NOS1: variants seen among roughly 807,000 people sequenced by gnomAD.
NOS1 encodes nitric oxide synthase 1.
A neutral mutation model predicts 164.5 loss-of-function variants in NOS1; 51 were observed. That is an observed-to-expected ratio of 0.31 (90% CI 0.25 to 0.39). NOS1 has a LOEUF of 0.39. NOS1 is among the 10% of genes least tolerant of loss of function. The pLI is 1.00. For synonymous variants in NOS1, 719 were observed against 745.8 expected, an observed-to-expected ratio of 0.96 and a Z score of 0.59; for missense variants, 1,362 against 1,885.6, an observed-to-expected ratio of 0.72 and a Z score of 5.14.
At chr12:117,269,701 C>G (rs1872666485) in intron 10 of NOS1, among the ~76,000 whole-genome samples, 1 of 151,944 alleles carries the variant, frequency 6.6e-6, no homozygotes, top group Non-Finnish European at 1.5e-5. Context: ...CTCTTGACCT[C>G]GTGATCCACC....
chr12:117,287,723 G>C (rs1171675721), intron 5 of NOS1, among the ~76,000 whole-genome samples: 1 of 152,226 alleles, frequency 6.6e-6, no homozygotes, highest in African/African-American at 2.4e-5. Context: ...ACAGGCGTGA[G>C]CCACTGCACC....
intron 2 of NOS1, among the ~76,000 whole-genome samples, chr12:117,322,433 A>C (rs1383518627): frequency 0.013 from 584 of 46,000 alleles, no homozygotes; most frequent in Middle Eastern, 0.036. Flanking sequence ...CCCTTTCCTC[A>C]CTCCTGCTTT....
intron 1 of NOS1, among the ~76,000 whole-genome samples, chr12:117,342,436 C>T (rs1876157757): frequency 6.6e-6 from 1 of 151,908 alleles, no homozygotes; most frequent in Non-Finnish European, 1.5e-5. Context: ...GGGAAGGCTT[C>T]CTGGAGGAAG....
At chr12:117,323,929 G>A (rs1488923416) in intron 2 of NOS1, among the ~76,000 whole-genome samples, 3 of 151,712 alleles carry the variant, frequency 2.0e-5, no homozygotes, top group Admixed American at 1.3e-4. Context: ...CTACAGGCAC[G>A]CACCACCACG....
intron 17 of NOS1, among the ~76,000 whole-genome samples, chr12:117,249,954 G>C (rs967685904): frequency 5.9e-5 from 9 of 152,186 alleles, no homozygotes; most frequent in African/African-American, 2.2e-4. Flanking sequence ...TTTAAGGTCA[G>C]AGTGTTCTGC....
In NOS1 at chr12:117,208,544, T is replaced by C. The variant is rs1202111448; in HGVS notation, c.*6765A>G. The C allele has an allele frequency of 8.2e-7, 1 of 1,213,896 alleles. No individual in the cohort carries two copies. The highest frequency in any genetic ancestry group is 1.1e-6 in the Non-Finnish European group (1 of 949,458). 75.2% of individuals were successfully genotyped at this position (1,213,896 alleles called of 1,614,324 possible). The stretch of plus-strand genomic sequence containing the variant: ...GAAAACCACTGCTGAGCCAGGAGTG[T>C]GAGTCTTAACAATCACAACGAGAAC... On this transcript the variant is annotated 3_prime_UTR_variant, in exon 29 of 29. Transcript: ENST00000317775.
chr12:117,259,016 C>T lies in NOS1; in HGVS notation c.2472+10G>A, dbSNP rs1871679982. Reference sequence around the variant, plus strand: ...AACCACACTCTTGAACAGGTAAAAGCTCATCTCACCTCCCCATTCTCAGGG... The same window carrying T: ...AACCACACTCTTGAACAGGTAAAAGTTCATCTCACCTCCCCATTCTCAGGG... On this transcript the variant is annotated intron_variant, in intron 15 of 28. Coordinates refer to ENST00000317775, the MANE Select transcript of NOS1 (RefSeq NM_000620.5). 6.3e-7 allele frequency: 1 copy of T among 1,598,684 alleles called. No individual in the cohort carries two copies. The highest frequency in any genetic ancestry group is 2.2e-5 in the East Asian group (1 of 44,810).
chr12:117,307,397 G>C (rs2136050792), intron 3 of NOS1, among the ~76,000 whole-genome samples: 1 of 152,244 alleles, frequency 6.6e-6, no homozygotes, highest in African/African-American at 2.4e-5. Context: ...TTCTTGCTCT[G>C]TCACCCAGGC....
chr12:117,290,549 C>T lies in NOS1; in HGVS notation c.853-123G>A, dbSNP rs527716923. 1.1e-4 allele frequency: 137 copies of T among 1,195,332 alleles called. 4 individuals carry two copies. In the South Asian group the frequency reaches 2.0e-3, roughly 17 times the overall value. The allele number at this position is 1,195,332 out of a possible 1,614,324, so 74.0% of individuals were successfully genotyped here. On this transcript the variant is annotated intron_variant, in intron 3 of 28. Coordinates refer to ENST00000317775, the MANE Select transcript of NOS1 (RefSeq NM_000620.5). ...TCTGCCTTGAGTGACCAACTGTCTACATCCAGAGTAAGATCCAGCCCTTCC... is the reference window on the plus strand; with the variant it reads ...TCTGCCTTGAGTGACCAACTGTCTATATCCAGAGTAAGATCCAGCCCTTCC...
chr12:117,289,619 C>G (rs543128552), intron 4 of NOS1, among the ~76,000 whole-genome samples: 2 of 152,332 alleles, frequency 1.3e-5, no homozygotes, highest in African/African-American at 4.8e-5. Flanking sequence ...AACCCATCAT[C>G]TAGGTTTTAA....
chr12:117,348,803 A>G (rs1440229237), intron 1 of NOS1, among the ~76,000 whole-genome samples: 1 of 152,222 alleles, frequency 6.6e-6, no homozygotes, highest in Non-Finnish European at 1.5e-5. Flanking sequence ...ACAAGGAAAG[A>G]CTGACAAACT....
intron 2 of NOS1, among the ~76,000 whole-genome samples, chr12:117,319,814 G>A (rs1183147581): frequency 6.6e-6 from 1 of 152,228 alleles, no homozygotes; most frequent in Non-Finnish European, 1.5e-5. Flanking sequence ...GTGGAATGGG[G>A]TAGTTCCTAC....
intron 3 of NOS1, among the ~76,000 whole-genome samples, chr12:117,305,487 T>G (rs1417485869): frequency 6.6e-6 from 1 of 151,048 alleles, no homozygotes; most frequent in East Asian, 1.9e-4. Flanking sequence ...AAGAAGCTGA[T>G]TCCAGGAGCT....
rs766195009 is a variant in NOS1 at position 117,278,042 on chromosome 12, G to A, written c.1581C>T (p.Leu527=). 2 of 1,613,990 alleles carry A rather than the reference G, an allele frequency of 1.2e-6. No individual in the cohort carries two copies. Among genetic ancestry groups the A allele is most frequent in the African/African-American group, 1.3e-5 (1 of 74,934 alleles). ...PPRGRFDVLP[L]LLQANGNDPE... The stretch of plus-strand genomic sequence containing the variant: ...GGTCATTGCCGTTGGCCTGAAGCAG[G>A]AGCGGCAGGACATCGAAGCGGCCTC... Residue 527 remains leucine (L), a synonymous_variant, in exon 9 of 29, where the codon CTC becomes CTT. Transcript: ENST00000317775.
At chr12:117,296,537 T>C (rs866838635) in intron 3 of NOS1, among the ~76,000 whole-genome samples, 3 of 152,226 alleles carry the variant, frequency 2.0e-5, no homozygotes, top group Non-Finnish European at 2.9e-5. Context: ...CGCTTGAACA[T>C]TGGACTCCAA....
intron 1 of NOS1, among the ~76,000 whole-genome samples, chr12:117,351,936 T>G (rs537975822): frequency 6.7e-4 from 102 of 152,188 alleles, no homozygotes; most frequent in Non-Finnish European, 1.2e-3. Context: ...ATCCCAGCAT[T>G]TTGGGAGGCC....
rs1232274442 is a variant in NOS1, at chr12:117,331,410, C to A, written c.-341G>T. On this transcript the variant is annotated 5_prime_UTR_variant, in exon 2 of 29. Coordinates refer to ENST00000317775, the MANE Select transcript of NOS1 (RefSeq NM_000620.5). ...GTCTGATGGCTGTGTCTAGAAGTGACGCATGATAGATGTGAACTATTCTCT... is the reference window on the plus strand; with the variant it reads ...GTCTGATGGCTGTGTCTAGAAGTGAAGCATGATAGATGTGAACTATTCTCT... 1.0e-5 allele frequency: 3 copies of A among 288,318 alleles called. No individual in the cohort carries two copies. The highest frequency in any genetic ancestry group is 2.0e-5 in the Non-Finnish European group (3 of 151,530). The allele number at this position is 288,318 out of a possible 1,614,324, so 17.9% of individuals were successfully genotyped here.
chr12:117,219,452 G>A (rs1345128058), intron 27 of NOS1, among the ~76,000 whole-genome samples: 2 of 151,986 alleles, frequency 1.3e-5, no homozygotes, highest in Non-Finnish European at 2.9e-5. Flanking sequence ...GGCTACAGGT[G>A]CCCGCCACCA....
intron 2 of NOS1, among the ~76,000 whole-genome samples, chr12:117,315,719 C>T (rs192271000): frequency 3.0e-4 from 45 of 152,306 alleles, no homozygotes; most frequent in African/African-American, 1.0e-3. Context: ...GAACTGGGTT[C>T]AAGTCCTGGC....
Sources: gnomAD v4.1 joint callset for allele counts (sites outside exome capture counted in the v4.1 genomes callset) on GRCh38, gnomAD v4.1.1 for gene constraint, MANE v1.5 for transcripts, NCBI Gene and HGNC (gene_info 2026-07-23, HGNC 2026-07-21) for gene names.